The following KIF13B variants were observed in gnomAD, a reference collection of about 807,000 sequenced individuals.
KIF13B encodes kinesin-like protein KIF13B.
KIF13B carries 127 observed loss-of-function variants against 222.0 expected under a neutral mutation model. That is an observed-to-expected ratio of 0.57 (90% confidence interval 0.50 to 0.66). The LOEUF (loss-of-function observed/expected upper bound fraction) is 0.66. Among genes scored for constraint, KIF13B ranks in the 30% least tolerant of loss-of-function variants. The probability of loss-of-function intolerance (pLI) is 0.00; values close to 1 mark genes in which losing one functional copy is unlikely to be tolerated. For synonymous variants in KIF13B, 976 were observed against 919.0 expected (o/e 1.06, Z -1.12); for missense variants, 2,173 against 2,379.0 (o/e 0.91, Z 1.80).
At chr8:29,123,255 C>T (rs1809955778) in intron 28 of KIF13B, 111 bp downstream of exon 28, 2 of 1,172,640 alleles carry the variant, frequency 1.7e-6, no homozygotes, top group South Asian at 1.7e-5. Context: ...AACAACATTT[C>T]CCCCCATGCT....
Position 29,176,189 on chromosome 8 carries a change from G to A in KIF13B, c.834-10C>T. 2.7e-6 allele frequency: 4 copies of A among 1,480,556 alleles called. No individual in the cohort carries two copies. Among genetic ancestry groups the A allele is most frequent in the South Asian group, 1.2e-5 (1 of 85,626 alleles). The allele number at this position is 1,480,556 out of a possible 1,614,324, so 91.7% of individuals were successfully genotyped here. ...GAGGGTTGTGAGGGACCTGCATGGT[G>A]CAACAAACCAAAATAATTACAAAAA... On this transcript the variant is annotated splice_polypyrimidine_tract_variant and intron_variant, in intron 9 of 39. Coordinates refer to ENST00000524189, the MANE Select transcript of KIF13B (RefSeq NM_015254.4).
intron 35 of KIF13B, among the ~76,000 whole-genome samples, chr8:29,106,850 G>A (rs1251852830): frequency 1.3e-5 from 2 of 151,996 alleles, no homozygotes; most frequent in Admixed American, 6.6e-5. Flanking sequence ...ATTTGAAAAC[G>A]ACTCCCTCAC....
At chr8:29,137,887 G>A (rs1192631802) in intron 21 of KIF13B, among the ~76,000 whole-genome samples, 2 of 152,188 alleles carry the variant, frequency 1.3e-5, no homozygotes, top group African/African-American at 4.8e-5. Flanking sequence ...AGGGCCAACT[G>A]AAGCGGCTCC....
At chr8:29,146,171 G>C (rs1227331734) in intron 18 of KIF13B, 1 of 613,988 alleles carries the variant, frequency 1.6e-6, no homozygotes, top group Non-Finnish European at 2.9e-6. Flanking sequence ...GTGAGATGCA[G>C]AGTATATTCC....
At chr8:29,081,446 C>T (rs760128626) in intron 37 of KIF13B, among the ~76,000 whole-genome samples, 1 of 152,228 alleles carries the variant, frequency 6.6e-6, no homozygotes, top group Non-Finnish European at 1.5e-5. Context: ...AGAACAGCCT[C>T]GGCATGTGGG....
At chr8:29,156,295 A>C (rs1445363360) in intron 13 of KIF13B, among the ~76,000 whole-genome samples, 1 of 152,146 alleles carries the variant, frequency 6.6e-6, no homozygotes, top group African/African-American at 2.4e-5. Context: ...AAAGCAAATG[A>C]AGCCAGGCAT....
chr8:29,197,712 T>C (rs906754219), intron 2 of KIF13B, among the ~76,000 whole-genome samples: 21 of 152,278 alleles, frequency 1.4e-4, no homozygotes, highest in African/African-American at 4.6e-4. Flanking sequence ...TCACTAGAGA[T>C]AGAAACTAAA....
Position 29,070,339 on chromosome 8 carries a change from G to A in KIF13B, c.*165C>T. On this transcript the variant is annotated 3_prime_UTR_variant, in exon 40 of 40. Transcript: ENST00000524189. The surrounding 1 kb of genome is among the most constrained non-coding windows in gnomAD (Gnocchi z 4.1). ...TTTACCCGGGTACAGAAGAAACAAA[G>A]CTTCCAGAGGCCCAGGGAGGTCACC... The A allele has an allele frequency of 1.4e-6, 1 of 705,654 alleles. No individual in the cohort carries two copies. The highest frequency in any genetic ancestry group is 2.3e-6 in the Non-Finnish European group (1 of 434,340). 43.7% of individuals were successfully genotyped at this position (705,654 alleles called of 1,614,324 possible). A position where few individuals can be genotyped will look rare whatever the true frequency, so the allele number is the denominator to read the frequency against.
rs977354125 is a variant in KIF13B at position 29,167,355 on chromosome 8, C to G, written c.1158+18G>C. On this transcript the variant is annotated intron_variant, in intron 11 of 39. Coordinates refer to ENST00000524189, the MANE Select transcript of KIF13B (RefSeq NM_015254.4). ...CCTCTTCCTGGACTCACAGGGCGCA[C>G]GCGGTGGTGCCTCCTACCTCTGCTT... 1.6e-5 allele frequency: 26 copies of G among 1,599,310 alleles called. No individual in the cohort carries two copies. Among genetic ancestry groups the G allele is most frequent in the East Asian group, 8.9e-5 (4 of 44,778 alleles).
At chr8:29,179,966 TTC>T in intron 8 of KIF13B, 136 bp downstream of exon 8, 2 of 930,910 alleles carry the variant, frequency 2.1e-6, no homozygotes, top group South Asian at 3.3e-5. Context: ...CTAGAGGAGC[TTC>T]TGTTTCTCGT....
intron 2 of KIF13B, among the ~76,000 whole-genome samples, chr8:29,239,900 T>G (rs1399541147): frequency 1.3e-5 from 2 of 151,958 alleles, no homozygotes; most frequent in Non-Finnish European, 1.5e-5. Flanking sequence ...TGACCTCAAG[T>G]GATCTGCGTG....
intron 6 of KIF13B, among the ~76,000 whole-genome samples, chr8:29,184,367 G>A (rs931656646): frequency 6.6e-6 from 1 of 152,012 alleles, no homozygotes; most frequent in African/African-American, 2.4e-5. Context: ...GATAGCAGCA[G>A]CTACCACTTA....
chr8:29,124,208 T>C (rs1266806704), intron 26 of KIF13B, 85 bp from the exon 27 acceptor site: 1 of 794,804 alleles, frequency 1.3e-6, no homozygotes, highest in Non-Finnish European at 2.1e-6. Flanking sequence ...CTTGCTCTAC[T>C]ATGCCTTGGA....
intron 27 of KIF13B, 75 bp from the exon 28 acceptor site, chr8:29,123,567 G>C: frequency 5.1e-6 from 8 of 1,568,026 alleles, no homozygotes; most frequent in Non-Finnish European, 7.0e-6. Flanking sequence ...GTAAAGACTG[G>C]ATTTGCCTAT....
chr8:29,230,387 C>G (rs535915672), intron 2 of KIF13B, among the ~76,000 whole-genome samples: 2 of 152,252 alleles, frequency 1.3e-5, no homozygotes, highest in Non-Finnish European at 2.9e-5. Flanking sequence ...ATAAATTGGC[C>G]TATCCTCTTC....
chr8:29,160,378 A>C (rs1586860455), intron 13 of KIF13B, among the ~76,000 whole-genome samples: 1 of 152,358 alleles, frequency 6.6e-6, no homozygotes, highest in Non-Finnish European at 1.5e-5. Context: ...TGCTCACAAA[A>C]GAATGTGCTT....
In KIF13B at chr8:29,127,245, G is replaced by C. The variant is rs1248723282; in HGVS notation, c.3099C>G (p.Val1033=). ...CAGATTCCTGCACTGACTTCACTTC[G>C]ACTTGAACTCTCCGGGACTGCCCCT... The part of the protein sequence containing the change: ...LRQGQSRRVQ[V]EVKSVQESGT... The change falls in exon 25 of 40, where the codon GTC becomes GTG. Residue 1033 remains valine, a synonymous_variant. Transcript: ENST00000524189. The C allele has an allele frequency of 1.9e-6, 3 of 1,613,710 alleles. No individual in the cohort carries two copies. The highest frequency in any genetic ancestry group is 1.7e-5 in the Admixed American group (1 of 59,970).
intron 36 of KIF13B, among the ~76,000 whole-genome samples, chr8:29,093,744 A>T (rs147614604): frequency 2.9e-4 from 44 of 152,370 alleles, no homozygotes; most frequent in African/African-American, 1.0e-3. Flanking sequence ...TAGAATATTA[A>T]GTGTAAGTAT....
At chr8:29,212,865 C>T (rs1814294237) in intron 2 of KIF13B, among the ~76,000 whole-genome samples, 1 of 149,990 alleles carries the variant, frequency 6.7e-6, no homozygotes, top group African/African-American at 2.5e-5. Context: ...AGGCACTATG[C>T]TAAAGTAATC....
Sources: gnomAD v4.1 joint callset for allele counts (sites outside exome capture counted in the v4.1 genomes callset) on GRCh38, gnomAD v4.1.1 for gene constraint, Gnocchi (gnomAD v3.1) non-coding constraint, MANE v1.5 for transcripts, NCBI Gene and HGNC (gene_info 2026-07-23, HGNC 2026-07-21) for gene names.